The following WDR17 variants were observed in gnomAD, a reference collection of about 807,000 sequenced individuals.
The protein encoded by WDR17 is WD repeat-containing protein 17.
A neutral mutation model predicts 161.7 loss-of-function variants in WDR17; 143 were observed. That is an observed-to-expected ratio of 0.88 (90% CI 0.77 to 1.02). The LOEUF (loss-of-function observed/expected upper bound fraction) is 1.02, where lower values mean the gene tolerates loss of function less well. WDR17 is among the 50% of genes least tolerant of loss of function. WDR17 has a pLI of 0.00. For missense variants in WDR17, 1,469 were observed against 1,520.9 expected, an observed-to-expected ratio of 0.97 and a Z score of 0.57; for synonymous variants, 517 against 515.6, an observed-to-expected ratio of 1.00 and a Z score of -0.04.
intron 12 of WDR17, 51 bp from the exon 13 acceptor site, chr4:176,148,082 T>A: frequency 6.6e-7 from 1 of 1,509,372 alleles, no homozygotes; most frequent in Non-Finnish European, 9.1e-7. Context: ...GTTAATACTC[T>A]AGATACATTA....
At chr4:176,098,586 G>A (rs929219232) in intron 1 of WDR17, among the ~76,000 whole-genome samples, 1 of 151,772 alleles carries the variant, frequency 6.6e-6, no homozygotes, top group African/African-American at 2.4e-5. Context: ...GATAACAAAA[G>A]GTTCTGGACA....
rs1188333859 is a variant in WDR17, at chr4:176,111,613, T to G, written c.33T>G (p.Ala11=). Residue 11 remains alanine, a synonymous_variant, in exon 2 of 29, where the codon GCT becomes GCG. Transcript: ENST00000508596. The stretch of plus-strand genomic sequence containing the variant: ...AGGTAAGGCAAGTGGGATTGCTGGC[T>G]GCTGGATGTCAGCCATGGAACAAGG... MSQVRQVGLL[A]AGCQPWNKDV... 6.2e-7 allele frequency: 1 copy of G among 1,610,738 alleles called. No homozygotes were observed. The highest frequency in any genetic ancestry group is 1.7e-5 in the Admixed American group (1 of 59,782).
chr4:176,143,363 T>C (rs538087967), intron 11 of WDR17, among the ~76,000 whole-genome samples: 1 of 152,268 alleles, frequency 6.6e-6, no homozygotes, highest in Admixed American at 6.5e-5. Flanking sequence ...TGTAATTTTC[T>C]CTGTCTAAAT....
intron 1 of WDR17, among the ~76,000 whole-genome samples, chr4:176,074,561 G>T (rs977961132): frequency 6.6e-6 from 1 of 151,696 alleles, no homozygotes; most frequent in African/African-American, 2.4e-5. Context: ...GGTTCACGTG[G>T]TCCTCACACC....
At chr4:176,124,726 C>G (rs575200846) in intron 4 of WDR17, among the ~76,000 whole-genome samples, 1 of 152,176 alleles carries the variant, frequency 6.6e-6, no homozygotes, top group African/African-American at 2.4e-5. Flanking sequence ...CCTTTTAAAT[C>G]ACTATATGAT....
chr4:176,115,950 A>G lies in WDR17; in HGVS notation c.278A>G (p.Lys93Arg). Residue 93 changes from lysine (K) to arginine (R), a missense_variant, in exon 3 of 29, where the codon AAA becomes AGA. Lys to Arg is a conservative substitution (Grantham distance 26). Coordinates refer to ENST00000508596, the MANE Select transcript of WDR17 (RefSeq NM_181265.4). Reference sequence around the variant, plus strand: ...ATCATTTGGAATGTTGCAGAACAAAAAGTCATTGCTAAACTCGACAGTACA... The same window carrying G: ...ATCATTTGGAATGTTGCAGAACAAAGAGTCATTGCTAAACTCGACAGTACA... ...LVIIWNVAEQ[K>R]VIAKLDSTKG... The G allele has an allele frequency of 1.2e-6, 2 of 1,608,312 alleles. No homozygotes were observed. The highest frequency in any genetic ancestry group is 1.7e-6 in the Non-Finnish European group (2 of 1,177,212).
At chr4:176,071,077 G>A (rs1406114778) in intron 1 of WDR17, among the ~76,000 whole-genome samples, 1 of 151,186 alleles carries the variant, frequency 6.6e-6, no homozygotes, top group Non-Finnish European at 1.5e-5. Context: ...AGGGGAGCGA[G>A]GGTCCTGGGG....
At chr4:176,095,937 G>A (rs771846096) in intron 1 of WDR17, among the ~76,000 whole-genome samples, 1 of 152,064 alleles carries the variant, frequency 6.6e-6, no homozygotes, top group Admixed American at 6.6e-5. Context: ...TGACTCTGTT[G>A]AACGTATTAG....
At position 176,128,759 on chromosome 4, in the gene WDR17, G is replaced by A. The variant is rs569995800; in HGVS notation, c.812G>A (p.Arg271His). The change falls in exon 6 of 29, where the codon CGC becomes CAC. Residue 271 changes from arginine to histidine, a missense_variant. Arg to His is a conservative substitution (Grantham distance 29, BLOSUM62 0). Transcript: ENST00000508596. ...ITGDSQVGVLRIWNVSRTTPI... is the reference protein window; with the variant it reads ...ITGDSQVGVLHIWNVSRTTPI... ...CTAGATTCTCAAGTGGGTGTTTTAC[G>A]CATTTGGAATGTTTCAAGAACAACA... 24 of 1,600,004 alleles carry A rather than the reference G, an allele frequency of 1.5e-5. No homozygotes were observed. Among genetic ancestry groups the A allele is most frequent in the South Asian group, 1.5e-4 (13 of 87,664 alleles).
At position 176,125,372 on chromosome 4, in the gene WDR17, A is replaced by C; in HGVS notation, c.790+17A>C. Reference sequence around the variant, plus strand: ...TAACTGGAGGTAAGCTAATCCCCATAACCCAGAGTTTTAAATACGTGTATA... The same window carrying C: ...TAACTGGAGGTAAGCTAATCCCCATCACCCAGAGTTTTAAATACGTGTATA... On this transcript the variant is annotated intron_variant, in intron 5 of 28. Transcript: ENST00000508596. 6.2e-7 allele frequency: 1 copy of C among 1,610,280 alleles called. No homozygotes were observed. Among genetic ancestry groups the C allele is most frequent in the Non-Finnish European group, 8.5e-7 (1 of 1,177,820 alleles).
chr4:176,130,603 G>A (rs1219102936), intron 6 of WDR17, among the ~76,000 whole-genome samples: 1 of 151,972 alleles, frequency 6.6e-6, no homozygotes, highest in Non-Finnish European at 1.5e-5. Flanking sequence ...AAATTAGCCG[G>A]GCGTGGTGGC....
At chr4:176,135,405 C>A in intron 8 of WDR17, 129 bp downstream of exon 8, 1 of 1,064,218 alleles carries the variant, frequency 9.4e-7, no homozygotes. Context: ...TTAGTGTGAA[C>A]ATATTTGTTG....
Position 176,179,822 on chromosome 4 carries a change from TTAAATTA to T in WDR17, c.*248_*254del, listed in dbSNP as rs1751971482. ...GCTACGTTTGGGAAGGAGGAAACAT[TTAAATTA>T]TAAAGGACTGAATAATCTAAAAAGC... is the stretch of plus-strand genomic sequence containing the variant. On this transcript the variant is annotated 3_prime_UTR_variant, in exon 29 of 29. Coordinates refer to ENST00000508596, the MANE Select transcript of WDR17 (RefSeq NM_181265.4). 1 of 193,092 alleles carries T rather than the reference TTAAATTA, an allele frequency of 5.2e-6. No homozygotes were observed. The highest frequency in any genetic ancestry group is 1.0e-5 in the Non-Finnish European group (1 of 97,356). The allele number at this position is 193,092 out of a possible 1,614,324, so 12.0% of individuals were successfully genotyped here.
chr4:176,182,339 GAAAT>G lies in WDR17; in HGVS notation c.*2762_*2765del, dbSNP rs1752237126. 6.6e-6 allele frequency: 1 copy of G among 150,962 alleles called. No individual in the cohort carries two copies. The highest frequency in any genetic ancestry group is 1.5e-5 in the Non-Finnish European group (1 of 67,728). 9.4% of individuals were successfully genotyped at this position (150,962 alleles called of 1,614,324 possible). A position where few individuals can be genotyped will look rare whatever the true frequency, so the allele number is the denominator to read the frequency against. ...GATTTTTATGTCAATCAAGACAAAT[GAAAT>G]ATATATGTATGTGTATATATATACA... is the stretch of plus-strand genomic sequence containing the variant. On this transcript the variant is annotated 3_prime_UTR_variant, in exon 29 of 29. Coordinates refer to ENST00000508596, the MANE Select transcript of WDR17 (RefSeq NM_181265.4). This position sits in a 1 kb window ranked among gnomAD's most constrained non-coding sequence, Gnocchi z 4.2.
chr4:176,150,835 T>C (rs912038859), intron 16 of WDR17, among the ~76,000 whole-genome samples: 1 of 152,206 alleles, frequency 6.6e-6, no homozygotes, highest in Non-Finnish European at 1.5e-5. Flanking sequence ...TCGGAACTCC[T>C]TGAAATGCTT....
intron 22 of WDR17, 39 bp from the exon 23 acceptor site, chr4:176,168,630 ATCT>A (rs747037259): frequency 2.5e-6 from 4 of 1,609,708 alleles, no homozygotes; most frequent in African/African-American, 2.7e-5. Flanking sequence ...TTATTTTTAA[ATCT>A]TCTCCTCAAT....
intron 1 of WDR17, among the ~76,000 whole-genome samples, chr4:176,075,036 A>G (rs1392052469): frequency 1.3e-5 from 2 of 151,794 alleles, no homozygotes; most frequent in Admixed American, 6.6e-5. Flanking sequence ...GTATATATTA[A>G]TTTTTAAATG....
At chr4:176,092,562 C>A (rs149486663) in intron 1 of WDR17, among the ~76,000 whole-genome samples, 8 of 152,188 alleles carry the variant, frequency 5.3e-5, no homozygotes, top group African/African-American at 1.7e-4. Context: ...AAGGGATAAA[C>A]GGCATCCAAG....
At chr4:176,110,750 T>C (rs1456656682) in intron 1 of WDR17, among the ~76,000 whole-genome samples, 3 of 152,192 alleles carry the variant, frequency 2.0e-5, no homozygotes, top group African/African-American at 7.2e-5. Context: ...TCAGAAGCTG[T>C]ATTTTAGATA....
Sources: gnomAD v4.1 joint callset for allele counts (sites outside exome capture counted in the v4.1 genomes callset) on GRCh38, gnomAD v4.1.1 for gene constraint, Gnocchi (gnomAD v3.1) non-coding constraint, MANE v1.5 for transcripts, NCBI Gene and HGNC (gene_info 2026-07-23, HGNC 2026-07-21) for gene names.